The following CNOT4 variants were observed in gnomAD, a reference collection of about 807,000 sequenced individuals.
CNOT4 encodes the protein CCR4-NOT transcription complex subunit 4, also known as CCR4-associated factor 4.
A neutral mutation model predicts 73.8 loss-of-function variants in CNOT4; 8 were observed. The observed-to-expected ratio is 0.11, with a 90% CI of 0.06 to 0.20. The LOEUF (loss-of-function observed/expected upper bound fraction) is 0.20, where lower values mean the gene tolerates loss of function less well. CNOT4 is among the 10% of genes least tolerant of loss of function. The pLI is 1.00. For synonymous variants in CNOT4, 293 were observed against 321.1 expected (o/e 0.91, Z 0.94); for missense variants, 564 against 883.4 (o/e 0.64, Z 4.58).
chr7:135,505,171 A>G (rs1384577856), intron 1 of CNOT4, among the ~76,000 whole-genome samples: 1 of 152,176 alleles, frequency 6.6e-6, no homozygotes, highest in Non-Finnish European at 1.5e-5. Flanking sequence ...GACTTATCCT[A>G]ATAGCAATAC....
At chr7:135,469,870 G>C (rs1163163517) in intron 1 of CNOT4, among the ~76,000 whole-genome samples, 1 of 152,066 alleles carries the variant, frequency 6.6e-6, no homozygotes, top group Non-Finnish European at 1.5e-5. Flanking sequence ...TGCCCAGGCT[G>C]GAGTGCAGTG....
At chr7:135,375,715 G>C (rs747742778) in intron 10 of CNOT4, among the ~76,000 whole-genome samples, 5 of 152,148 alleles carry the variant, frequency 3.3e-5, no homozygotes, top group African/African-American at 9.7e-5. Flanking sequence ...ACGGGGTCAG[G>C]GGTTCAAGAC....
intron 1 of CNOT4, among the ~76,000 whole-genome samples, chr7:135,461,473 C>G (rs1800868678): frequency 6.6e-6 from 1 of 152,096 alleles, no homozygotes; most frequent in African/African-American, 2.4e-5. Context: ...GAATAAATAT[C>G]ATCATCGAAT....
At chr7:135,380,720 G>C (rs534344619) in intron 10 of CNOT4, among the ~76,000 whole-genome samples, 1 of 152,306 alleles carries the variant, frequency 6.6e-6, no homozygotes, top group East Asian at 1.9e-4. Flanking sequence ...AAGCATGAAA[G>C]CACATTTACA....
At chr7:135,374,649 T>C (rs1260223952) in intron 10 of CNOT4, among the ~76,000 whole-genome samples, 1 of 152,194 alleles carries the variant, frequency 6.6e-6, no homozygotes, top group Non-Finnish European at 1.5e-5. Flanking sequence ...ACTCTTAACA[T>C]TCTTTGACAA....
At chr7:135,409,168 A>G (rs1563031869) in intron 7 of CNOT4, among the ~76,000 whole-genome samples, 1 of 152,210 alleles carries the variant, frequency 6.6e-6, no homozygotes, top group Non-Finnish European at 1.5e-5. Flanking sequence ...GTTTACTACA[A>G]TAACTTCATT....
At chr7:135,473,573 C>G (rs532806322) in intron 1 of CNOT4, among the ~76,000 whole-genome samples, 12 of 152,234 alleles carry the variant, frequency 7.9e-5, no homozygotes, top group African/African-American at 2.6e-4. Context: ...ATGGCATAAT[C>G]CTGTGTCTAC....
chr7:135,396,666 T>C (rs1033949806), intron 8 of CNOT4, among the ~76,000 whole-genome samples: 1 of 152,186 alleles, frequency 6.6e-6, no homozygotes, highest in African/African-American at 2.4e-5. Flanking sequence ...AATCTTTGTA[T>C]GATTCTTAGG....
intron 1 of CNOT4, among the ~76,000 whole-genome samples, chr7:135,478,795 C>A (rs1802163080): frequency 1.3e-5 from 2 of 152,104 alleles, no homozygotes; most frequent in Non-Finnish European, 2.9e-5. Context: ...TAGCTGTAAA[C>A]TTTAGTCAAA....
chr7:135,427,760 A>G (rs1798586422), intron 2 of CNOT4, among the ~76,000 whole-genome samples: 1 of 151,894 alleles, frequency 6.6e-6, no homozygotes, highest in Admixed American at 6.5e-5. Flanking sequence ...TACAACATAA[A>G]AATTTTTTTT....
chr7:135,457,723 G>A (rs1800633029), intron 1 of CNOT4, among the ~76,000 whole-genome samples: 1 of 151,922 alleles, frequency 6.6e-6, no homozygotes, highest in Non-Finnish European at 1.5e-5. Flanking sequence ...TAACTTCATT[G>A]TAATACAATT....
At chr7:135,384,433 C>T (rs1339880304) in intron 10 of CNOT4, 9 of 405,890 alleles carry the variant, frequency 2.2e-5, no homozygotes, top group African/African-American at 8.3e-5. Flanking sequence ...TACAGGTGCC[C>T]GCCACCACGC....
chr7:135,417,554 C>T (rs1433493459), intron 3 of CNOT4, among the ~76,000 whole-genome samples: 2 of 152,122 alleles, frequency 1.3e-5, no homozygotes, highest in Non-Finnish European at 2.9e-5. Context: ...TTCTGGCCAA[C>T]GTTTGGGTGT....
intron 10 of CNOT4, among the ~76,000 whole-genome samples, chr7:135,370,252 G>T (rs1201597327): frequency 1.3e-5 from 2 of 152,126 alleles, no homozygotes; most frequent in Non-Finnish European, 2.9e-5. Flanking sequence ...AGAGTTCTGA[G>T]CAGAAACAAC....
intron 10 of CNOT4, among the ~76,000 whole-genome samples, chr7:135,393,709 A>G (rs1434703370): frequency 6.6e-6 from 1 of 152,146 alleles, no homozygotes; most frequent in Non-Finnish European, 1.5e-5. Context: ...AACAATAACT[A>G]AGTATAATAC....
chr7:135,430,794 A>G (rs534205048), intron 2 of CNOT4, among the ~76,000 whole-genome samples: 5 of 152,320 alleles, frequency 3.3e-5, no homozygotes, highest in African/African-American at 1.2e-4. Context: ...ATAAAGGAAA[A>G]CTTCCTTGAC....
At chr7:135,446,680 T>C (rs556912402) in intron 1 of CNOT4, among the ~76,000 whole-genome samples, 2 of 151,996 alleles carry the variant, frequency 1.3e-5, no homozygotes, top group South Asian at 4.1e-4. Context: ...ACTGTAATTA[T>C]ACATAATTGA....
rs1312998506 is a variant in CNOT4, at chr7:135,402,478, AC to A, written c.822-4253del. ...AAAGGGCAACAGAGCTTTTTAAAATACATATATGCACAAAATATATACATAT... is the reference window on the plus strand; with the variant it reads ...AAAGGGCAACAGAGCTTTTTAAAATAATATATGCACAAAATATATACATAT... On this transcript the variant is annotated intron_variant, in intron 7 of 11. Coordinates refer to ENST00000541284, the MANE Select transcript of CNOT4 (RefSeq NM_001190850.2). 2.0e-5 allele frequency among the ~76,000 whole-genome samples: 3 copies of A among 152,326 alleles called. No individual in the cohort carries two copies. In the East Asian group the frequency reaches 5.8e-4, roughly 29 times the overall value.
chr7:135,374,628 CTTAAA>C lies in CNOT4; in HGVS notation c.1628-10567_1628-10563del, dbSNP rs1795415782. Among the ~76,000 whole-genome samples, 5 of 51,954 alleles carry C rather than the reference CTTAAA, an allele frequency of 9.6e-5. No individual in the cohort carries two copies. The South Asian group carries it at 4.1e-3, about 43-fold the overall frequency. 34.1% of individuals were successfully genotyped at this position (51,954 alleles called of 152,430 possible). ...CAGAATAGTGGAAACTACAACTATTCTTAAATTAAAACTCTTAACATTCTTTGACA... is the reference window on the plus strand; with the variant it reads ...CAGAATAGTGGAAACTACAACTATTCTTAAAACTCTTAACATTCTTTGACA... On this transcript the variant is annotated intron_variant, in intron 10 of 11. Transcript: ENST00000541284.
Sources: allele counts gnomAD v4.1 joint callset (sites outside exome capture counted in the v4.1 genomes callset), GRCh38; gene constraint gnomAD v4.1.1; transcripts MANE v1.5; gene names NCBI Gene and HGNC (gene_info 2026-07-23, HGNC 2026-07-21).